ZFP90: variants seen among roughly 807,000 people sequenced by gnomAD.
The protein encoded by ZFP90 is ZFP90 zinc finger protein.
A neutral mutation model predicts 60.8 loss-of-function variants in ZFP90; 38 were observed. That is an observed-to-expected ratio of 0.62 (90% CI 0.48 to 0.82). The LOEUF is 0.82. Ranked by LOEUF, ZFP90 falls within the 40% of genes least tolerant of loss-of-function variation. The probability of loss-of-function intolerance (pLI) is 0.00; values close to 1 mark genes in which losing one functional copy is unlikely to be tolerated. For synonymous variants in ZFP90, 287 were observed against 264.8 expected (o/e 1.08, Z -0.82); for missense variants, 711 against 759.1 (o/e 0.94, Z 0.74).
upstream of ZFP90, among the ~76,000 whole-genome samples, chr16:68,535,135 A>G (rs1277535385): frequency 1.3e-5 from 2 of 152,166 alleles, no homozygotes; most frequent in African/African-American, 4.8e-5. Flanking sequence ...ACTGAAGGTA[A>G]GTTCTCCCAG....
chr16:68,573,041 C>T (rs1417715813), intron 2 of ZFP90, among the ~76,000 whole-genome samples: 1 of 152,126 alleles, frequency 6.6e-6, no homozygotes, highest in African/African-American at 2.4e-5. Flanking sequence ...ATAGGGTGTC[C>T]TTATAATTGA....
In ZFP90 at chr16:68,565,820, T is replaced by G. The variant is rs958083133; in HGVS notation, c.*1122T>G. 15 of 985,252 alleles carry G rather than the reference T, an allele frequency of 1.5e-5. No homozygotes were observed. The highest frequency in any genetic ancestry group is 1.8e-5 in the Non-Finnish European group (15 of 829,928). The allele number at this position is 985,252 out of a possible 1,614,324, so 61.0% of individuals were successfully genotyped here. The stretch of plus-strand genomic sequence containing the variant: ...CTCATTTTATGTGCAAAGAAAAGAT[T>G]TCACCATTAAAAAAATTAACTTGGC... On this transcript the variant is annotated 3_prime_UTR_variant, in exon 5 of 5. Coordinates refer to ENST00000563169, the MANE Select transcript of ZFP90 (RefSeq NM_001305203.2).
intron 2 of ZFP90, among the ~76,000 whole-genome samples, chr16:68,552,886 A>G (rs535176774): frequency 9.9e-5 from 15 of 152,090 alleles, no homozygotes; most frequent in African/African-American, 2.7e-4. Context: ...GAGAAACCCT[A>G]TCTCTACAAA....
Position 68,539,571 on chromosome 16 carries a change from A to T in ZFP90, c.-36+92A>T, listed in dbSNP as rs2090998053. The T allele has an allele frequency of 7.4e-6, 4 of 537,756 alleles. No individual in the cohort carries two copies. In the East Asian group the frequency reaches 1.3e-4, roughly 18 times the overall value. The allele number at this position is 537,756 out of a possible 1,614,324, so 33.3% of individuals were successfully genotyped here. ...TGCGAAGGGGACTGGGCGTGGCCGG[A>T]GGGGGGTGTCCGGGAGGCCGCTGAG... is the stretch of plus-strand genomic sequence containing the variant. On this transcript the variant is annotated intron_variant, in intron 1 of 4. Transcript: ENST00000563169.
At chr16:68,567,890 G>GT (rs1035532099), downstream of ZFP90, among the ~76,000 whole-genome samples, 2 of 152,158 alleles carry the variant, frequency 1.3e-5, no homozygotes, top group African/African-American at 4.8e-5. Flanking sequence ...GTGATGCTTG[G>GT]TTTTTTTAAT....
intron 2 of ZFP90, chr16:68,557,216 G>C (rs962117999): frequency 4.4e-6 from 2 of 455,428 alleles, no homozygotes; most frequent in African/African-American, 2.0e-5. Flanking sequence ...TCAAACTCTT[G>C]GGCTCCTGTA....
chr16:68,572,968 G>C (rs1354314192), intron 2 of ZFP90, among the ~76,000 whole-genome samples: 1 of 152,200 alleles, frequency 6.6e-6, no homozygotes, highest in African/African-American at 2.4e-5. Context: ...GGAAAGGATA[G>C]GACCACTCCA....
At chr16:68,560,283 C>G (rs2091416996) in intron 4 of ZFP90, among the ~76,000 whole-genome samples, 1 of 152,110 alleles carries the variant, frequency 6.6e-6, no homozygotes, top group South Asian at 2.1e-4. Context: ...ACAGTTACTC[C>G]CCATTCCCCA....
intron 2 of ZFP90, among the ~76,000 whole-genome samples, chr16:68,554,064 G>A (rs1169810046): frequency 6.6e-6 from 1 of 152,042 alleles, no homozygotes; most frequent in Admixed American, 6.6e-5. Flanking sequence ...ACTAGGGTGA[G>A]GGTGACAGAA....
chr16:68,543,863 CTTT>C (rs34492203), intron 2 of ZFP90, among the ~76,000 whole-genome samples: 7 of 127,334 alleles, frequency 5.5e-5, no homozygotes, highest in Admixed American at 7.9e-5. Flanking sequence ...CTGGCCTGCC[CTTT>C]TTTTTTTTTT....
downstream of ZFP90, among the ~76,000 whole-genome samples, chr16:68,571,678 C>G (rs2091568929): frequency 6.6e-6 from 1 of 152,176 alleles, no homozygotes; most frequent in East Asian, 1.9e-4. Context: ...CCTGTAATCC[C>G]AGCACTTTGG....
intron 4 of ZFP90, 193 bp from the exon 5 acceptor site, chr16:68,562,851 A>G: frequency 1.5e-6 from 2 of 1,301,368 alleles, no homozygotes; most frequent in Non-Finnish European, 2.1e-6. Context: ...GACTTACCAC[A>G]TACTCTGAAT....
intron 2 of ZFP90, among the ~76,000 whole-genome samples, chr16:68,540,892 A>T: frequency 6.7e-6 from 1 of 149,412 alleles, no homozygotes; most frequent in Non-Finnish European, 1.5e-5. Flanking sequence ...TAGTGAATTA[A>T]GCATACAATA....
At chr16:68,556,626 T>A (rs145690484) in intron 2 of ZFP90, among the ~76,000 whole-genome samples, 1 of 152,214 alleles carries the variant, frequency 6.6e-6, no homozygotes, top group East Asian at 1.9e-4. Context: ...CCTGTTCCCA[T>A]GGAACTTACA....
intron 2 of ZFP90, among the ~76,000 whole-genome samples, chr16:68,573,033 A>G (rs1268937280): frequency 1.4e-4 from 21 of 152,238 alleles, no homozygotes. Context: ...GTTCCTGGAT[A>G]GGGTGTCCTT....
chr16:68,571,044 G>T (rs143768958), downstream of ZFP90, among the ~76,000 whole-genome samples: 1 of 152,130 alleles, frequency 6.6e-6, no homozygotes, highest in Non-Finnish European at 1.5e-5. Context: ...GTGTGGTCTT[G>T]GGTGGCTGGA....
upstream of ZFP90, among the ~76,000 whole-genome samples, chr16:68,534,591 C>T (rs1467120751): frequency 1.3e-5 from 2 of 151,608 alleles, no homozygotes; most frequent in East Asian, 1.9e-4. Flanking sequence ...TATGTCCAAC[C>T]CCTACTTTAG....
In ZFP90 at chr16:68,564,115, C is replaced by T. The variant is rs1209281663; in HGVS notation, c.1328C>T (p.Thr443Ile). 1.9e-6 allele frequency: 3 copies of T among 1,614,134 alleles called. No individual in the cohort carries two copies. Among genetic ancestry groups the T allele is most frequent in the Non-Finnish European group, 2.5e-6 (3 of 1,180,008 alleles). The change falls in exon 5 of 5, where the codon ACT becomes ATT. Residue 443 changes from threonine to isoleucine, a missense_variant. Thr to Ile is a moderately conservative substitution (Grantham distance 89). Around this residue, in one of 5 missense-constraint regions of ZFP90, gnomAD observed 295 missense variants for 274.0 expected, o/e 1.08. Transcript: ENST00000563169. ...ACATCTCTCACTCAAGATGAAAGCA[C>T]TCTTACCGAAGTGAAATCCTACCAT... The part of the protein sequence containing the change: ...HSTSLTQDES[T>I]LTEVKSYHCN...
At chr16:68,567,295 C>T (rs968533312), downstream of ZFP90, among the ~76,000 whole-genome samples, 1 of 152,212 alleles carries the variant, frequency 6.6e-6, no homozygotes, top group African/African-American at 2.4e-5. Context: ...AGGTGTTTCA[C>T]ATCTGTCATT....
Sources: gnomAD v4.1 joint callset for allele counts (sites outside exome capture counted in the v4.1 genomes callset) on GRCh38, gnomAD v4.1.1 for gene constraint, gnomAD v4.1.1 regional missense constraint, MANE v1.5 for transcripts, NCBI Gene and HGNC (gene_info 2026-07-23, HGNC 2026-07-21) for gene names.